The following PBLD variants were observed in gnomAD, a reference collection of about 807,000 sequenced individuals.
PBLD encodes the protein phenazine biosynthesis-like domain-containing protein.
Under a neutral mutation model 31.3 loss-of-function variants are expected in PBLD, and 26 were observed. The ratio of observed to expected loss-of-function variants is 0.83; its 90% confidence interval spans 0.61 to 1.15. PBLD has a LOEUF of 1.15. Among genes scored for constraint, PBLD ranks in the 50% most tolerant of loss-of-function variants. The pLI, the probability that PBLD is intolerant of heterozygous loss-of-function variation, is 0.00. For synonymous variants in PBLD, 114 were observed against 129.0 expected (o/e 0.88, Z 0.79); for missense variants, 307 against 351.7 (o/e 0.87, Z 1.02).
At chr10:68,292,090 G>A in intron 5 of PBLD, 39 bp downstream of exon 5, 1 of 1,600,966 alleles carries the variant, frequency 6.2e-7, no homozygotes, top group Non-Finnish European at 8.6e-7. Context: ...AGAGCTGTCG[G>A]TTGTAGATGG....
chr10:68,289,984 T>C (rs1228316751), intron 6 of PBLD, among the ~76,000 whole-genome samples: 3 of 152,122 alleles, frequency 2.0e-5, no homozygotes, highest in Non-Finnish European at 2.9e-5. Flanking sequence ...TAACATGTTC[T>C]CAAGATACCC....
chr10:68,295,241 C>T (rs909292143), intron 4 of PBLD, among the ~76,000 whole-genome samples: 3 of 152,182 alleles, frequency 2.0e-5, no homozygotes, highest in Admixed American at 6.5e-5. Flanking sequence ...GCCTGTAATC[C>T]CAGCACTTTG....
intron 1 of PBLD, among the ~76,000 whole-genome samples, chr10:68,330,759 T>TGTGTGTGTGTGTGTGTGTGTG: frequency 6.9e-6 from 1 of 145,622 alleles, no homozygotes; most frequent in African/African-American, 2.6e-5. Flanking sequence ...TGTGTGTGTA[T>TGTGTGTGTGTGTGTGTGTGTG]TTTTAGTAGA....
rs769690427 is a variant in PBLD at position 68,284,164 on chromosome 10, A to T, written c.*13T>A. The T allele has an allele frequency of 6.2e-7, 1 of 1,603,108 alleles. No homozygotes were observed. The highest frequency in any genetic ancestry group is 8.5e-7 in the Non-Finnish European group (1 of 1,170,976). Reference sequence around the variant, plus strand: ...TGGTGGTTAGAGACAGCAGCGTCACAGCATAACCACCTCTAGGCTGTCAGT... The same window carrying T: ...TGGTGGTTAGAGACAGCAGCGTCACTGCATAACCACCTCTAGGCTGTCAGT... On this transcript the variant is annotated 3_prime_UTR_variant, in exon 10 of 10. Transcript: ENST00000358769.
At chr10:68,330,416 T>C (rs930874434) in intron 1 of PBLD, among the ~76,000 whole-genome samples, 3 of 152,176 alleles carry the variant, frequency 2.0e-5, no homozygotes, top group Admixed American at 1.3e-4. Flanking sequence ...TACCACAAAG[T>C]TGAAAGTCTT....
chr10:68,285,271 G>A (rs1206104664), intron 9 of PBLD, 77 bp downstream of exon 9: 2 of 1,605,816 alleles, frequency 1.2e-6, no homozygotes, highest in Non-Finnish European at 8.5e-7. Context: ...ACATTTTCAA[G>A]GGGATAGTAC....
rs1489243603 is a variant in PBLD at position 68,289,002 on chromosome 10, T to C, written c.441A>G (p.Thr147=). 1 of 1,614,034 alleles carries C rather than the reference T, an allele frequency of 6.2e-7. No homozygotes were observed. Among genetic ancestry groups the C allele is most frequent in the Admixed American group, 1.7e-5 (1 of 60,014 alleles). ...GAGAATAACAGATGTCCTGGACCAG[T>C]GTGTTGCCTATGGCAGTCTGTGGAG... is the stretch of plus-strand genomic sequence containing the variant. The part of the protein sequence containing the change: ...EDLIKTAIGN[T]LVQDICYSPD... Residue 147 remains threonine, a synonymous_variant, in exon 7 of 10, where the codon ACA becomes ACG. Coordinates refer to ENST00000358769, the MANE Select transcript of PBLD (RefSeq NM_022129.4).
intron 1 of PBLD, among the ~76,000 whole-genome samples, chr10:68,330,342 A>G (rs1016692420): frequency 9.9e-5 from 15 of 152,100 alleles, no homozygotes; most frequent in Non-Finnish European, 2.2e-4. Context: ...GGGAGAAAAA[A>G]TTATACATCC....
intron 1 of PBLD, among the ~76,000 whole-genome samples, chr10:68,309,131 G>A (rs1266675927): frequency 2.0e-5 from 3 of 149,684 alleles, no homozygotes; most frequent in Non-Finnish European, 4.4e-5. Flanking sequence ...TCATGGCCTG[G>A]TGCAGTGGCT....
In PBLD at chr10:68,292,231, C is replaced by A. The variant is rs1175871107; in HGVS notation, c.291G>T (p.Met97Ile). The A allele has an allele frequency of 5.6e-6, 9 of 1,613,012 alleles. No homozygotes were observed. The Admixed American group carries it at 1.5e-4, about 27-fold the overall frequency. The stretch of plus-strand genomic sequence containing the variant: ...GAGTGACAAACGTGAGCGTGCTATT[C>A]ATGTTTTCTGGCCAAAATAGGAATC... ...AAVLFHKIKN[M>I]NSTLTFVTLS... Residue 97 changes from methionine to isoleucine, a missense_variant, in exon 5 of 10, where the codon ATG (methionine) becomes ATT (isoleucine). Coordinates refer to ENST00000358769, the MANE Select transcript of PBLD (RefSeq NM_022129.4).
In PBLD at chr10:68,309,723, G is replaced by A. The variant is rs571340857; in HGVS notation, c.-59-2820C>T. Among the ~76,000 whole-genome samples the A allele has an allele frequency of 7.4e-5, 11 of 147,826 alleles. 1 individual carries two copies. The highest frequency in any genetic ancestry group is 1.5e-4 in the Non-Finnish European group (10 of 67,464). On this transcript the variant is annotated intron_variant, in intron 1 of 9. Transcript: ENST00000358769. ...CTAGGGAGGCTGAGGCAGGAGAATC[G>A]CTTGAACACAGAGTCAGAGGTTGTG...
intron 6 of PBLD, 23 bp downstream of exon 6, chr10:68,291,987 C>A: frequency 6.4e-7 from 1 of 1,568,750 alleles, no homozygotes; most frequent in South Asian, 1.1e-5. Flanking sequence ...TAACTAGGCT[C>A]AGGTTTGATT....
intron 1 of PBLD, among the ~76,000 whole-genome samples, chr10:68,328,875 G>A (rs1389334915): frequency 6.6e-6 from 1 of 150,708 alleles, no homozygotes; most frequent in Non-Finnish European, 1.5e-5. Context: ...TAGCGGTTTT[G>A]TTTGTTTGTT....
rs140405856 is a variant in PBLD at position 68,284,016 on chromosome 10, C to A, written c.*161G>T. 8.9e-3 allele frequency: 5,191 copies of A among 582,304 alleles called. 222 individuals are homozygous for A. Among genetic ancestry groups the A allele is most frequent in the African/African-American group, 0.088 (4,657 of 52,926 alleles). The allele number at this position is 582,304 out of a possible 1,614,324, so 36.1% of individuals were successfully genotyped here. A position where few individuals can be genotyped will look rare whatever the true frequency, so the allele number is the denominator to read the frequency against. On this transcript the variant is annotated 3_prime_UTR_variant, in exon 10 of 10. Coordinates refer to ENST00000358769, the MANE Select transcript of PBLD (RefSeq NM_022129.4). ...CCCACCTTGGCCTCTCAAAGTGCTA[C>A]GATTACAGGCATGAGCCACTGCGCC...
intron 1 of PBLD, among the ~76,000 whole-genome samples, chr10:68,326,667 T>G (rs1000420993): frequency 1.3e-5 from 2 of 152,146 alleles, no homozygotes; most frequent in African/African-American, 4.8e-5. Context: ...CACAAATAAA[T>G]AAAACAGCAT....
chr10:68,284,428 G>A, intron 9 of PBLD, 139 bp from the exon 10 acceptor site: 2 of 680,508 alleles, frequency 2.9e-6, no homozygotes, highest in Non-Finnish European at 4.9e-6. Context: ...TTATGGTACT[G>A]CCCACTCCCA....
At chr10:68,319,053 G>GATAAAGAA (rs1554860579) in intron 1 of PBLD, among the ~76,000 whole-genome samples, 4 of 98,836 alleles carry the variant, frequency 4.0e-5, no homozygotes, top group African/African-American at 1.8e-4. Flanking sequence ...AAGAAAGAGA[G>GATAAAGAA]AGAAAGAAAG....
chr10:68,290,973 A>G (rs1437896626), intron 6 of PBLD, among the ~76,000 whole-genome samples: 2 of 152,216 alleles, frequency 1.3e-5, no homozygotes, highest in African/African-American at 4.8e-5. Context: ...GGTTGAGTAT[A>G]AAATCAGAAT....
chr10:68,297,845 G>A (rs141855394), intron 2 of PBLD, among the ~76,000 whole-genome samples: 3 of 152,148 alleles, frequency 2.0e-5, no homozygotes, highest in East Asian at 3.9e-4. Context: ...GGTGGCTCAC[G>A]CCTGTAATCC....
Sources: allele counts gnomAD v4.1 joint callset (sites outside exome capture counted in the v4.1 genomes callset), GRCh38; gene constraint gnomAD v4.1.1; transcripts MANE v1.5; gene names NCBI Gene and HGNC (gene_info 2026-07-23, HGNC 2026-07-21).